Variants in KLHDC1 observed in about 807,000 individuals in gnomAD.
KLHDC1 encodes the protein kelch domain containing 1.
In KLHDC1, 53 loss-of-function variants were observed where a neutral mutation model predicts 68.3. The observed-to-expected ratio is 0.78, with a 90% CI of 0.62 to 0.98. The LOEUF (loss-of-function observed/expected upper bound fraction) is 0.98. Ranked by LOEUF, KLHDC1 falls within the 50% of genes least tolerant of loss-of-function variation. The pLI, the probability that KLHDC1 is intolerant of heterozygous loss-of-function variation, is 0.00. For synonymous variants in KLHDC1, 148 were observed against 159.0 expected (o/e 0.93, Z 0.52); for missense variants, 470 against 492.3 (o/e 0.95, Z 0.43).
At chr14:49,711,910 CTTTTTTTTT>C (rs992092493) in intron 4 of KLHDC1, among the ~76,000 whole-genome samples, 29 of 76,616 alleles carry the variant, frequency 3.8e-4, no homozygotes, top group Non-Finnish European at 5.6e-4. Flanking sequence ...TTTTCTTTTT[CTTTTTTTTT>C]TTTTTTTTTT....
rs1394497770 is a variant in KLHDC1, at chr14:49,723,926, T to C, written c.457T>C (p.Cys153Arg). Residue 153 changes from cysteine (C) to arginine (R), a missense_variant, in exon 5 of 13, where the codon TGT (cysteine) becomes CGT (arginine). Cys to Arg is a radical substitution (Grantham distance 180). Transcript: ENST00000359332. The part of the protein sequence containing the change: ...GCRRHSELQD[C>R]FDVHDASWEE... Reference sequence around the variant, plus strand: ...TAGGAGACACAGTGAACTCCAAGACTGTTTTGATGTTCATGATGCATCTTG... The same window carrying C: ...TAGGAGACACAGTGAACTCCAAGACCGTTTTGATGTTCATGATGCATCTTG... 1 of 1,604,076 alleles carries C rather than the reference T, an allele frequency of 6.2e-7. No homozygotes were observed. The highest frequency in any genetic ancestry group is 8.5e-7 in the Non-Finnish European group (1 of 1,172,726).
chr14:49,751,312 G>C (rs1254412373), intron 12 of KLHDC1, among the ~76,000 whole-genome samples: 1 of 151,912 alleles, frequency 6.6e-6, no homozygotes, highest in Non-Finnish European at 1.5e-5. Context: ...TTAAATTTTA[G>C]GAATACTTAA....
In KLHDC1 at chr14:49,727,869, G is replaced by C. The variant is rs1045844662; in HGVS notation, c.568-1057G>C. 2.0e-5 allele frequency among the ~76,000 whole-genome samples: 3 copies of C among 152,260 alleles called. No homozygotes were observed. The South Asian group carries it at 6.2e-4, about 32-fold the overall frequency. On this transcript the variant is annotated intron_variant, in intron 6 of 12. Coordinates refer to ENST00000359332, the MANE Select transcript of KLHDC1 (RefSeq NM_172193.3). ...AGCTTTAATTTCCTATACCCACTTT[G>C]AGTAGCCAGTGAGCTGAAAATGTCA...
At position 49,729,522 on chromosome 14, in the gene KLHDC1, C is replaced by T; in HGVS notation, c.684C>T (p.Asn228=). Residue 228 remains asparagine, a synonymous_variant, in exon 8 of 13, where the codon AAC becomes AAT. Coordinates refer to ENST00000359332, the MANE Select transcript of KLHDC1 (RefSeq NM_172193.3). ...GGATGAATGATTTGCACTATCTAAA[C>T]CTAGACACCTGGACTTGGTCTGGAA... ...QTRMNDLHYL[N]LDTWTWSGRI... is the part of the protein sequence containing the mutation. 1 of 1,610,724 alleles carries T rather than the reference C, an allele frequency of 6.2e-7. No individual in the cohort carries two copies. Among genetic ancestry groups the T allele is most frequent in the Middle Eastern group, 1.7e-4 (1 of 6,048 alleles).
intron 4 of KLHDC1, among the ~76,000 whole-genome samples, chr14:49,712,831 G>A (rs1888242387): frequency 6.6e-6 from 1 of 151,872 alleles, no homozygotes; most frequent in African/African-American, 2.4e-5. Context: ...GTAGAGACAG[G>A]GTTTCACCAT....
chr14:49,710,480 G>T (rs1888171314), intron 4 of KLHDC1, 99 bp downstream of exon 4: 4 of 638,386 alleles, frequency 6.3e-6, no homozygotes, highest in Admixed American at 4.8e-5. Flanking sequence ...TTTTTTTCAG[G>T]ATTGCAATTG....
chr14:49,718,248 T>C (rs962503823), intron 4 of KLHDC1, among the ~76,000 whole-genome samples: 5 of 152,118 alleles, frequency 3.3e-5, no homozygotes, highest in Non-Finnish European at 4.4e-5. Flanking sequence ...CTTGTTGATA[T>C]ACCCTTCTTC....
chr14:49,708,812 ATCTTTT>A (rs2139737474), intron 1 of KLHDC1: 1 of 155,262 alleles, frequency 6.4e-6, no homozygotes, highest in South Asian at 2.0e-4. Flanking sequence ...TTTTTTGATG[ATCTTTT>A]TCTTCCTGGC....
intron 3 of KLHDC1, among the ~76,000 whole-genome samples, 156 bp downstream of exon 3, chr14:49,709,982 T>C (rs1385732359): frequency 6.6e-6 from 1 of 152,230 alleles, no homozygotes; most frequent in Non-Finnish European, 1.5e-5. Context: ...GCAGCAGTCC[T>C]GCTCTTCTCT....
chr14:49,696,926 C>G (rs545529551), intron 1 of KLHDC1, among the ~76,000 whole-genome samples: 51 of 151,692 alleles, frequency 3.4e-4, no homozygotes, highest in Non-Finnish European at 5.7e-4. Context: ...GGGTTACTAA[C>G]TGGCCTACTT....
intron 1 of KLHDC1, among the ~76,000 whole-genome samples, chr14:49,695,233 G>T (rs1453928867): frequency 1.3e-5 from 2 of 151,848 alleles, no homozygotes; most frequent in Admixed American, 1.3e-4. Flanking sequence ...TGGAATTACA[G>T]GTGTGCACCA....
At chr14:49,696,871 G>T (rs901209102) in intron 1 of KLHDC1, among the ~76,000 whole-genome samples, 4 of 151,386 alleles carry the variant, frequency 2.6e-5, no homozygotes, top group African/African-American at 9.7e-5. Flanking sequence ...TTAAAGTGAG[G>T]GACAGTCCAC....
chr14:49,701,634 G>A (rs1887908572), intron 1 of KLHDC1, among the ~76,000 whole-genome samples: 1 of 152,022 alleles, frequency 6.6e-6, no homozygotes, highest in African/African-American at 2.4e-5. Flanking sequence ...ACTCTAGCCT[G>A]GGCAACAAGA....
chr14:49,736,011 T>A (rs968192450), intron 10 of KLHDC1, among the ~76,000 whole-genome samples: 1 of 151,950 alleles, frequency 6.6e-6, no homozygotes, highest in African/African-American at 2.4e-5. Context: ...CCAGACCCTG[T>A]CTCAAAAAAA....
At chr14:49,732,891 A>G (rs2139760013) in intron 9 of KLHDC1, 75 bp downstream of exon 9, 1 of 760,490 alleles carries the variant, frequency 1.3e-6, no homozygotes, top group Non-Finnish European at 2.2e-6. Context: ...CTTACAGTGA[A>G]GTAAATCTTC....
intron 1 of KLHDC1, among the ~76,000 whole-genome samples, chr14:49,700,802 C>T (rs539668830): frequency 5.3e-5 from 8 of 152,116 alleles, no homozygotes; most frequent in Admixed American, 2.0e-4. Flanking sequence ...TGGAAACAGC[C>T]GGGCACAGTG....
In KLHDC1 at chr14:49,710,307, G is replaced by T; in HGVS notation, c.330G>T (p.Trp110Cys). 1 of 1,611,522 alleles carries T rather than the reference G, an allele frequency of 6.2e-7. No individual in the cohort carries two copies. The highest frequency in any genetic ancestry group is 8.5e-7 in the Non-Finnish European group (1 of 1,178,094). The change falls in exon 4 of 13, where the codon TGG becomes TGT. Residue 110 changes from tryptophan (W) to cysteine (C), a missense_variant. Physicochemically the swap from Trp to Cys is radical, Grantham distance 215. Coordinates refer to ENST00000359332, the MANE Select transcript of KLHDC1 (RefSeq NM_172193.3). ...NLRTRDETYI[W>C]EKITDFEGQP... ...GAACAAGAGATGAAACCTACATTTG[G>T]GAGAAAATCACCGACTTTGAAGGGC...
At chr14:49,750,267 T>C (rs1483677951) in intron 12 of KLHDC1, among the ~76,000 whole-genome samples, 1 of 152,142 alleles carries the variant, frequency 6.6e-6, no homozygotes, top group Non-Finnish European at 1.5e-5. Flanking sequence ...ATTTAGACAA[T>C]AGAAGTGCAG....
intron 3 of KLHDC1, 40 bp from the exon 4 acceptor site, chr14:49,710,223 T>TA: frequency 1.8e-6 from 2 of 1,085,120 alleles, no homozygotes; most frequent in South Asian, 2.6e-5. Flanking sequence ...ATTTAATTTT[T>TA]AAATGCCCTG....
Sources: allele counts gnomAD v4.1 joint callset (sites outside exome capture counted in the v4.1 genomes callset), GRCh38; gene constraint gnomAD v4.1.1; transcripts MANE v1.5; gene names NCBI Gene and HGNC (gene_info 2026-07-23, HGNC 2026-07-21).